Variants in DENND1A observed in about 807,000 individuals in gnomAD.
The protein encoded by DENND1A is DENN domain-containing protein 1A.
In DENND1A, 51 loss-of-function variants were observed where a neutral mutation model predicts 113.7. The observed-to-expected ratio is 0.45, with a 90% CI of 0.36 to 0.57. DENND1A has a LOEUF of 0.57. Ranked by LOEUF, DENND1A falls within the 20% of genes least tolerant of loss-of-function variation. The pLI is 0.00. For missense variants in DENND1A, 1,258 were observed against 1,395.9 expected (o/e 0.90, Z 1.57); for synonymous variants, 565 against 570.8 (o/e 0.99, Z 0.14).
intron 8 of DENND1A, 46 bp from the exon 9 acceptor site, chr9:123,652,169 C>A: frequency 6.9e-7 from 1 of 1,441,258 alleles, no homozygotes; most frequent in South Asian, 1.2e-5. Flanking sequence ...TTTCTTTGTT[C>A]TTATTATAAC....
intron 20 of DENND1A, among the ~76,000 whole-genome samples, chr9:123,408,359 CTA>C (rs1432328836): frequency 6.6e-6 from 1 of 152,214 alleles, no homozygotes; most frequent in Admixed American, 6.5e-5. Context: ...CACAAATCTT[CTA>C]TGACTCCCAA....
intron 13 of DENND1A, among the ~76,000 whole-genome samples, chr9:123,519,066 C>A (rs1266646132): frequency 6.6e-6 from 1 of 152,202 alleles, no homozygotes; most frequent in Non-Finnish European, 1.5e-5. Flanking sequence ...CGTGTTGCCT[C>A]CCTTCTCTGC....
intron 2 of DENND1A, among the ~76,000 whole-genome samples, chr9:123,838,648 C>A (rs904564115): frequency 6.6e-6 from 1 of 152,194 alleles, no homozygotes; most frequent in African/African-American, 2.4e-5. Flanking sequence ...GTTGGCCAAT[C>A]AATCATTCAA....
intron 13 of DENND1A, among the ~76,000 whole-genome samples, chr9:123,510,120 C>T (rs2053326268): frequency 6.6e-6 from 1 of 152,248 alleles, no homozygotes; most frequent in Non-Finnish European, 1.5e-5. Flanking sequence ...TGAGTCGCGC[C>T]TTCCCACTTC....
chr9:123,704,093 T>G (rs1449977365), intron 5 of DENND1A, among the ~76,000 whole-genome samples: 1 of 152,090 alleles, frequency 6.6e-6, no homozygotes. Context: ...ATGTACCATC[T>G]TTAAAAATAT....
chr9:123,728,483 A>C (rs74905349), intron 5 of DENND1A, among the ~76,000 whole-genome samples: 1 of 131,310 alleles, frequency 7.6e-6, no homozygotes, highest in African/African-American at 3.1e-5. Flanking sequence ...GTCTCCCAAA[A>C]AAAAAAAAAA....
chr9:123,885,061 A>G (rs1848858512), intron 1 of DENND1A, among the ~76,000 whole-genome samples: 1 of 151,708 alleles, frequency 6.6e-6, no homozygotes, highest in African/African-American at 2.4e-5. Flanking sequence ...ACACACACAG[A>G]CGCACGCACA....
intron 13 of DENND1A, among the ~76,000 whole-genome samples, chr9:123,465,802 A>C (rs528126729): frequency 6.6e-6 from 1 of 152,356 alleles, no homozygotes; most frequent in South Asian, 2.1e-4. Context: ...TGTCATTATA[A>C]GAAAAAATAA....
intron 2 of DENND1A, among the ~76,000 whole-genome samples, chr9:123,799,436 G>A (rs1564292430): frequency 6.6e-6 from 1 of 152,148 alleles, no homozygotes; most frequent in Non-Finnish European, 1.5e-5. Context: ...TAGCCCTAAT[G>A]GAGAACACAC....
At chr9:123,516,638 A>C (rs2053932339) in intron 13 of DENND1A, among the ~76,000 whole-genome samples, 1 of 152,144 alleles carries the variant, frequency 6.6e-6, no homozygotes, top group Admixed American at 6.5e-5. Flanking sequence ...CTGGAATCCC[A>C]GCACTTTGAG....
At chr9:123,448,164 A>T (rs1564507170) in intron 18 of DENND1A, among the ~76,000 whole-genome samples, 1 of 152,208 alleles carries the variant, frequency 6.6e-6, no homozygotes, top group Non-Finnish European at 1.5e-5. Context: ...AAAGACTGGC[A>T]GGGGGAAGGG....
At chr9:123,748,015 C>T (rs2069667962) in intron 5 of DENND1A, among the ~76,000 whole-genome samples, 1 of 152,026 alleles carries the variant, frequency 6.6e-6, no homozygotes, top group African/African-American at 2.4e-5. Context: ...AAGTAGTTAG[C>T]TGAATGACAA....
intron 2 of DENND1A, among the ~76,000 whole-genome samples, chr9:123,809,463 TA>T (rs1836169918): frequency 6.6e-6 from 1 of 152,232 alleles, no homozygotes; most frequent in Admixed American, 6.5e-5. Flanking sequence ...TTCTATGATC[TA>T]AAAGCCTGAG....
intron 19 of DENND1A, among the ~76,000 whole-genome samples, chr9:123,425,209 G>A (rs1299803668): frequency 1.3e-5 from 2 of 152,244 alleles, no homozygotes; most frequent in East Asian, 3.8e-4. Flanking sequence ...ATTCTAATCT[G>A]AGAAAATGTC....
chr9:123,822,070 C>T (rs1250929901), intron 2 of DENND1A, among the ~76,000 whole-genome samples: 1 of 152,216 alleles, frequency 6.6e-6, no homozygotes, highest in African/African-American at 2.4e-5. Context: ...CTATTATTGT[C>T]TTAATCCTTA....
At chr9:123,556,105 A>G (rs1373527878) in intron 13 of DENND1A, among the ~76,000 whole-genome samples, 1 of 152,254 alleles carries the variant, frequency 6.6e-6, no homozygotes, top group Non-Finnish European at 1.5e-5. Context: ...CTAGCAGGAC[A>G]CTATCAAGAA....
intron 12 of DENND1A, among the ~76,000 whole-genome samples, chr9:123,570,438 C>T (rs895997203): frequency 3.3e-5 from 5 of 152,292 alleles, no homozygotes; most frequent in Admixed American, 2.6e-4. Flanking sequence ...AAAAATGAGG[C>T]ACCACTAAAG....
At chr9:123,432,324 G>A (rs369790851) in intron 19 of DENND1A, among the ~76,000 whole-genome samples, 2 of 152,368 alleles carry the variant, frequency 1.3e-5, no homozygotes, top group East Asian at 3.9e-4. Flanking sequence ...CTGAAAAGGT[G>A]AGTGCACGTG....
Position 123,417,184 on chromosome 9 carries a change from T to G in DENND1A, c.1489-5355A>C, listed in dbSNP as rs142124683. ...AGTTACAGCCGCACGAGGTTCTGGTTTGATATCCTGAAGATGAAATGGGAC... is the reference window on the plus strand; with the variant it reads ...AGTTACAGCCGCACGAGGTTCTGGTGTGATATCCTGAAGATGAAATGGGAC... On this transcript the variant is annotated intron_variant, in intron 19 of 23. Transcript: ENST00000394215. Among the ~76,000 whole-genome samples the G allele has an allele frequency of 5.3e-5, 8 of 152,334 alleles. No homozygotes were observed. In the East Asian group the frequency reaches 1.5e-3, roughly 29 times the overall value.
Sources: gnomAD v4.1 joint callset for allele counts (sites outside exome capture counted in the v4.1 genomes callset) on GRCh38, gnomAD v4.1.1 for gene constraint, MANE v1.5 for transcripts, NCBI Gene and HGNC (gene_info 2026-07-23, HGNC 2026-07-21) for gene names.